GSTM4: variants seen among roughly 807,000 people sequenced by gnomAD.
GSTM4 encodes glutathione S-transferase mu 4.
A neutral mutation model predicts 30.1 loss-of-function variants in GSTM4; 27 were observed. The observed-to-expected ratio is 0.90, with a 90% CI of 0.66 to 1.24. The LOEUF (loss-of-function observed/expected upper bound fraction) is 1.24, where lower values mean the gene tolerates loss of function less well. Among genes scored for constraint, GSTM4 ranks in the 50% most tolerant of loss-of-function variants. The probability of loss-of-function intolerance (pLI) is 0.00; values close to 1 mark genes in which losing one functional copy is unlikely to be tolerated. For synonymous variants in GSTM4, 94 were observed against 96.2 expected (o/e 0.98, Z 0.13); for missense variants, 238 against 272.1 (o/e 0.87, Z 0.88).
chr1:109,666,427 G>A (rs1647324551), downstream of GSTM4, among the ~76,000 whole-genome samples: 1 of 152,196 alleles, frequency 6.6e-6, no homozygotes, highest in African/African-American at 2.4e-5. Context: ...TGTGCTCAGA[G>A]CTGCAGGGTA....
chr1:109,663,780 T>C (rs1348970233), downstream of GSTM4, among the ~76,000 whole-genome samples: 2 of 152,362 alleles, frequency 1.3e-5, no homozygotes, highest in African/African-American at 4.8e-5. Context: ...TTGGTTTGCT[T>C]TCCCTCATAA....
At chr1:109,665,069 A>G (rs758308662), downstream of GSTM4, 1 of 1,181,512 alleles carries the variant, frequency 8.5e-7, no homozygotes, top group Admixed American at 1.7e-5. Context: ...GGGCTAAGGG[A>G]TGCTCAGATG....
At chr1:109,656,942 G>T (rs766266281) in intron 2 of GSTM4, 155 bp downstream of exon 2, 1 of 879,706 alleles carries the variant, frequency 1.1e-6, no homozygotes, top group Non-Finnish European at 1.9e-6. Context: ...CTGTGGCCTT[G>T]CAAGGCAGAA....
Position 109,661,643 on chromosome 1 carries a change from C to T in GSTM4, c.*389C>T, listed in dbSNP as rs1280995873. The T allele has an allele frequency of 8.6e-7, 1 of 1,162,142 alleles. No individual in the cohort carries two copies. Among genetic ancestry groups the T allele is most frequent in the Non-Finnish European group, 1.1e-6 (1 of 938,396 alleles). The allele number at this position is 1,162,142 out of a possible 1,614,324, so 72.0% of individuals were successfully genotyped here. A position where few individuals can be genotyped will look rare whatever the true frequency, so the allele number is the denominator to read the frequency against. Reference sequence around the variant, plus strand: ...AGCATTGACTGGTTTACAGGCCCTGCTCCTGCAGCATGGCCCCTGCCTTAG... The same window carrying T: ...AGCATTGACTGGTTTACAGGCCCTGTTCCTGCAGCATGGCCCCTGCCTTAG... On this transcript the variant is annotated 3_prime_UTR_variant, in exon 8 of 8. Coordinates refer to ENST00000369836, the MANE Select transcript of GSTM4 (RefSeq NM_000850.5).
chr1:109,663,213 AC>A (rs1439757684), downstream of GSTM4, among the ~76,000 whole-genome samples: 11 of 152,172 alleles, frequency 7.2e-5, no homozygotes, highest in South Asian at 6.2e-4. Context: ...ATGATTGGTG[AC>A]CTTGGTGAGA....
At chr1:109,659,380 G>T in intron 7 of GSTM4, 1 of 1,473,752 alleles carries the variant, frequency 6.8e-7, no homozygotes. Context: ...CAGAGCCAGT[G>T]GAGGCTGTGC....
rs990476771 is a variant in GSTM4 at position 109,656,511 on chromosome 1, C to T, written c.36+86C>T. 10 of 1,430,534 alleles carry T rather than the reference C, an allele frequency of 7.0e-6. No homozygotes were observed. The Admixed American group carries it at 1.5e-4, about 22-fold the overall frequency. The allele number at this position is 1,430,534 out of a possible 1,614,324, so 88.6% of individuals were successfully genotyped here. A position where few individuals can be genotyped will look rare whatever the true frequency, so the allele number is the denominator to read the frequency against. ...GGGGACCGGCTCTAGGGACGGTTCC[C>T]TCCTTAGGGCTATCTCTCACAGGAG... On this transcript the variant is annotated intron_variant, in intron 1 of 7. Coordinates refer to ENST00000369836, the MANE Select transcript of GSTM4 (RefSeq NM_000850.5).
chr1:109,657,269 A>G lies in GSTM4; in HGVS notation c.167A>G (p.Asp56Gly), dbSNP rs1652046093. The G allele has an allele frequency of 1.2e-6, 2 of 1,612,452 alleles. No homozygotes were observed. The change falls in exon 3 of 8, where the codon GAC becomes GGC. Residue 56 changes from aspartate to glycine, a missense_variant. Asp to Gly is a moderately conservative substitution (Grantham distance 94). Coordinates refer to ENST00000369836, the MANE Select transcript of GSTM4 (RefSeq NM_000850.5). The part of the protein sequence containing the change: ...WLNEKFKLGL[D>G]FPNLPYLIDG... Reference sequence around the variant, plus strand: ...AATGAAAAATTCAAGCTGGGCCTGGACTTTCCCAATGTAGGTGCAGGGGAA... The same window carrying G: ...AATGAAAAATTCAAGCTGGGCCTGGGCTTTCCCAATGTAGGTGCAGGGGAA...
downstream of GSTM4, among the ~76,000 whole-genome samples, chr1:109,664,202 T>A (rs1239026710): frequency 6.6e-6 from 1 of 152,046 alleles, no homozygotes; most frequent in Non-Finnish European, 1.5e-5. Flanking sequence ...TAGAACAGAG[T>A]GATCATGTTT....
chr1:109,659,297 G>A (rs1347881944), intron 7 of GSTM4, 187 bp downstream of exon 7: 16 of 1,572,140 alleles, frequency 1.0e-5, no homozygotes, highest in Non-Finnish European at 1.2e-5. Context: ...TTCCTACAGG[G>A]TGACAGAATT....
chr1:109,666,749 G>C (rs561216504), downstream of GSTM4, among the ~76,000 whole-genome samples: 1 of 151,576 alleles, frequency 6.6e-6, no homozygotes, highest in East Asian at 1.9e-4. Context: ...TTTTTGAGAC[G>C]GAGTCTTACT....
chr1:109,657,979 C>A, intron 5 of GSTM4, 107 bp downstream of exon 5: 1 of 918,556 alleles, frequency 1.1e-6, no homozygotes. Context: ...TGAGGGTTCC[C>A]TGTACTGTAG....
In GSTM4 at chr1:109,656,271, A is replaced by G; in HGVS notation, c.-119A>G. 1 of 968,540 alleles carries G rather than the reference A, an allele frequency of 1.0e-6. No homozygotes were observed. The highest frequency in any genetic ancestry group is 1.6e-6 in the Non-Finnish European group (1 of 606,064). 60.0% of individuals were successfully genotyped at this position (968,540 alleles called of 1,614,324 possible). A position where few individuals can be genotyped will look rare whatever the true frequency, so the allele number is the denominator to read the frequency against. ...GACGACCTTGAAGATCGGCGGGCGC[A>G]GCGGGGCCGAGGGGGCGGGTCTGGC... On this transcript the variant is annotated 5_prime_UTR_variant, in exon 1 of 8. Transcript: ENST00000369836.
Position 109,657,206 on chromosome 1 carries a change from C to T in GSTM4, c.113-9C>T. 1.9e-6 allele frequency: 3 copies of T among 1,612,398 alleles called. No individual in the cohort carries two copies. Among genetic ancestry groups the T allele is most frequent in the East Asian group, 2.2e-5 (1 of 44,884 alleles). ...GAGGTTTGTTTTCACTTCTTCTTCC[C>T]CACGGCAGCTCCTGACTATGACAGA... is the stretch of plus-strand genomic sequence containing the variant. On this transcript the variant is annotated splice_polypyrimidine_tract_variant and intron_variant, in intron 2 of 7. Transcript: ENST00000369836.
Position 109,658,792 on chromosome 1 carries a change from T to C in GSTM4, c.361-22T>C, listed in dbSNP as rs763226618. 3 of 1,559,852 alleles carry C rather than the reference T, an allele frequency of 1.9e-6. No homozygotes were observed. In the Admixed American group the frequency reaches 5.0e-5, roughly 26 times the overall value. ...GCAGGGAGCTTGTGTCTGAGGGTGGTGACAGCTGTTTTCTGCCTCAGGAGA... is the reference window on the plus strand; with the variant it reads ...GCAGGGAGCTTGTGTCTGAGGGTGGCGACAGCTGTTTTCTGCCTCAGGAGA... On this transcript the variant is annotated intron_variant, in intron 5 of 7. Coordinates refer to ENST00000369836, the MANE Select transcript of GSTM4 (RefSeq NM_000850.5).
chr1:109,658,517 G>C, intron 5 of GSTM4: 1 of 413,134 alleles, frequency 2.4e-6, no homozygotes, highest in South Asian at 3.4e-5. Context: ...TCTGGGTCCA[G>C]AGCCTGCCAG....
intron 5 of GSTM4, chr1:109,658,093 A>C (rs1454613334): frequency 1.9e-5 from 11 of 566,028 alleles, no homozygotes; most frequent in Non-Finnish European, 3.2e-6. Flanking sequence ...TTCCTAGACA[A>C]TAAAGTCATG....
chr1:109,665,328 C>T, downstream of GSTM4: 1 of 480,688 alleles, frequency 2.1e-6, no homozygotes, highest in Non-Finnish European at 3.8e-6. Flanking sequence ...ACCATCGCCT[C>T]CCACCCCCAC....
At chr1:109,666,812 A>C (rs641065), downstream of GSTM4, among the ~76,000 whole-genome samples, 1 of 151,352 alleles carries the variant, frequency 6.6e-6, no homozygotes, top group Non-Finnish European at 1.5e-5. Context: ...TACAACCTCC[A>C]CCTCCCTGGT....
Sources: allele counts gnomAD v4.1 joint callset (sites outside exome capture counted in the v4.1 genomes callset), GRCh38; gene constraint gnomAD v4.1.1; transcripts MANE v1.5; gene names NCBI Gene and HGNC (gene_info 2026-07-23, HGNC 2026-07-21).